PHRF1: variants seen among roughly 807,000 people sequenced by gnomAD.
PHRF1 encodes the protein PHD and RING finger domain-containing protein 1.
A neutral mutation model predicts 128.9 loss-of-function variants in PHRF1; 53 were observed. The ratio of observed to expected loss-of-function variants is 0.41; its 90% CI spans 0.33 to 0.52. The LOEUF (loss-of-function observed/expected upper bound fraction) is 0.52, where lower values mean the gene tolerates loss of function less well. PHRF1 is among the 20% of genes least tolerant of loss of function. PHRF1 has a pLI of 0.21. For missense variants in PHRF1, 2,503 were observed against 2,284.5 expected (o/e 1.10, Z -1.95); for synonymous variants, 1,178 against 980.6 (o/e 1.20, Z -3.76).
rs756045902 is a variant in PHRF1 at position 608,382 on chromosome 11, G to T, written c.2926G>T (p.Val976Leu). The T allele has an allele frequency of 6.2e-7, 1 of 1,611,582 alleles. No homozygotes were observed. The highest frequency in any genetic ancestry group is 1.7e-5 in the Admixed American group (1 of 59,880). Reference sequence around the variant, plus strand: ...GCCGGAAGCCCCACCCAGCCCGGACGTGCTGCAGGCTGCCACCCACAGAGT... The same window carrying T: ...GCCGGAAGCCCCACCCAGCCCGGACTTGCTGCAGGCTGCCACCCACAGAGT... ...VEPEAPPSPDVLQAATHRVVE... is the reference protein window; with the variant it reads ...VEPEAPPSPDLLQAATHRVVE... The change falls in exon 14 of 18, where the codon GTG (valine) becomes TTG (leucine). Residue 976 changes from valine (V) to leucine (L), a missense_variant. Coordinates refer to ENST00000264555, the MANE Select transcript of PHRF1 (RefSeq NM_001286581.2).
rs1035978247 is a variant in PHRF1, at chr11:597,143, G to A, written c.718+123G>A. On this transcript the variant is annotated intron_variant, in intron 7 of 17. Coordinates refer to ENST00000264555, the MANE Select transcript of PHRF1 (RefSeq NM_001286581.2). The surrounding 1 kb of genome is among the most constrained non-coding windows in gnomAD (Gnocchi z 6.5). ...TCTAGGGCTGTCTCATGGGGGTTAG[G>A]GTTGGCTGCGGTGTCGGGAGGACAT... 1.5e-5 allele frequency: 16 copies of A among 1,090,600 alleles called. No homozygotes were observed. Among genetic ancestry groups the A allele is most frequent in the African/African-American group, 4.7e-5 (3 of 63,766 alleles). 67.6% of individuals were successfully genotyped at this position (1,090,600 alleles called of 1,614,324 possible).
chr11:591,916 T>G (rs1040848503), intron 5 of PHRF1, among the ~76,000 whole-genome samples: 12 of 151,032 alleles, frequency 7.9e-5, no homozygotes, highest in African/African-American at 2.7e-4. Context: ...CCGGCTGTTT[T>G]TTTTTTTTTT....
At chr11:576,932 C>T (rs1398931174) in intron 1 of PHRF1, among the ~76,000 whole-genome samples, 2 of 151,374 alleles carry the variant, frequency 1.3e-5, no homozygotes, top group Admixed American at 1.3e-4. Context: ...AGGCCCGTGG[C>T]CTGCGGGCGG....
At chr11:582,728 G>C (rs901429548) in intron 3 of PHRF1, among the ~76,000 whole-genome samples, 1 of 151,450 alleles carries the variant, frequency 6.6e-6, no homozygotes, top group Non-Finnish European at 1.5e-5. Flanking sequence ...GTTTCACCGC[G>C]TTAGCCAGGA....
rs916023226 is a variant in PHRF1 at position 587,447 on chromosome 11, A to G, written c.403A>G (p.Ile135Val). 1.9e-5 allele frequency: 30 copies of G among 1,613,118 alleles called. No individual in the cohort carries two copies. The highest frequency in any genetic ancestry group is 2.2e-5 in the Non-Finnish European group (26 of 1,179,874). Residue 135 changes from isoleucine (I) to valine (V), a missense_variant, in exon 4 of 18, where the codon ATT (isoleucine) becomes GTT (valine). Coordinates refer to ENST00000264555, the MANE Select transcript of PHRF1 (RefSeq NM_001286581.2). ...TGCCCATTACTTCTGCCTGGACTGC[A>G]TTGTCGAATGGTCCAAGGTGAGTTC... is the stretch of plus-strand genomic sequence containing the variant. ...NCAHYFCLDC[I>V]VEWSKNANSC...
chr11:587,529 A>C, intron 4 of PHRF1, 65 bp downstream of exon 4: 1 of 1,530,734 alleles, frequency 6.5e-7, no homozygotes. Context: ...TAGGTGACCC[A>C]GCCTGTGTTC....
intron 4 of PHRF1, among the ~76,000 whole-genome samples, chr11:589,652 G>T (rs1181511803): frequency 6.6e-6 from 1 of 152,268 alleles, no homozygotes; most frequent in Non-Finnish European, 1.5e-5. Context: ...ACGGAGTCAA[G>T]ATCTCGGACT....
chr11:580,408 A>AGGGCCTT (rs776494898), intron 1 of PHRF1, among the ~76,000 whole-genome samples: 73 of 152,272 alleles, frequency 4.8e-4, no homozygotes, highest in Non-Finnish European at 8.4e-4. Flanking sequence ...CTGACGGGTC[A>AGGGCCTT]GGGCCTTGAG....
rs752498049 is a variant in PHRF1 at position 611,702 on chromosome 11, C to G, written c.4875C>G (p.Asp1625Glu). Residue 1625 changes from aspartate (D) to glutamate (E), a missense_variant, in exon 18 of 18, where the codon GAC (aspartate) becomes GAG (glutamate). Physicochemically the swap from Asp to Glu is conservative, Grantham distance 45. Transcript: ENST00000264555. ...CCAACCTGGTGAAGGCGTACGTGGA[C>G]AAGTACAGGCACATGCGCAGGCACA... Reference protein sequence around the residue: ...KVANLVKAYVDKYRHMRRHKK... With the variant: ...KVANLVKAYVEKYRHMRRHKK... 1.2e-6 allele frequency: 2 copies of G among 1,613,088 alleles called. No homozygotes were observed. The highest frequency in any genetic ancestry group is 4.5e-5 in the East Asian group (2 of 44,892).
intron 13 of PHRF1, 139 bp from the exon 14 acceptor site, chr11:606,927 G>A: frequency 7.4e-7 from 1 of 1,352,600 alleles, no homozygotes; most frequent in Non-Finnish European, 9.9e-7. Flanking sequence ...GTGTGGAAAG[G>A]CGAGGTGTCC....
At chr11:583,856 G>C (rs971466714) in intron 3 of PHRF1, among the ~76,000 whole-genome samples, 1 of 152,214 alleles carries the variant, frequency 6.6e-6, no homozygotes, top group East Asian at 1.9e-4. Flanking sequence ...GCCCTGCCCC[G>C]GCCCTGCTGT....
chr11:576,759 C>T (rs1169804255), intron 1 of PHRF1, among the ~76,000 whole-genome samples, 167 bp downstream of exon 1: 1 of 110,010 alleles, frequency 9.1e-6, no homozygotes, highest in African/African-American at 3.3e-5. Flanking sequence ...GGAGGCCCCG[C>T]CGAGACTGGG....
chr11:603,695 T>C (rs1474752561), intron 10 of PHRF1, among the ~76,000 whole-genome samples: 1 of 150,912 alleles, frequency 6.6e-6, no homozygotes, highest in Non-Finnish European at 1.5e-5. Context: ...TAAACTCATA[T>C]AATACATATT....
In PHRF1 at chr11:608,054, C is replaced by T. The variant is rs1856064667; in HGVS notation, c.2598C>T (p.Asn866=). ...AGATCACACGAACCATCTCCATCAA[C>T]AGCCCGAAGGCCCAGACGGTGCAGG... ...PSEITRTISI[N]SPKAQTVQAV... The change falls in exon 14 of 18, where the codon AAC becomes AAT. Residue 866 remains asparagine (N), a synonymous_variant. Coordinates refer to ENST00000264555, the MANE Select transcript of PHRF1 (RefSeq NM_001286581.2). 6.2e-7 allele frequency: 1 copy of T among 1,611,534 alleles called. No individual in the cohort carries two copies.
intron 13 of PHRF1, chr11:606,824 G>A: frequency 1.2e-6 from 1 of 861,026 alleles, no homozygotes; most frequent in South Asian, 1.9e-5. Context: ...TCCTGATGGG[G>A]TACTGCCCCC....
In PHRF1 at chr11:597,462, G is replaced by C. The variant is rs779928956; in HGVS notation, c.786G>C (p.Arg262Ser). Residue 262 changes from arginine (R) to serine (S), a missense_variant, in exon 8 of 18, where the codon AGG (arginine) becomes AGC (serine). Physicochemically the swap from Arg to Ser is moderately radical, Grantham distance 110. Coordinates refer to ENST00000264555, the MANE Select transcript of PHRF1 (RefSeq NM_001286581.2). The surrounding 1 kb of genome is among the most constrained non-coding windows in gnomAD (Gnocchi z 6.5). ...CTGATGTGGTGCCCACCACCAGCAG[G>C]CTTCGGCCTCGAGCAGGTAGGACCC... ...LLADVVPTTS[R>S]LRPRAGRTRA... 2.8e-5 allele frequency: 45 copies of C among 1,612,696 alleles called. No individual in the cohort carries two copies. The highest frequency in any genetic ancestry group is 8.8e-5 in the South Asian group (8 of 90,814).
intron 1 of PHRF1, among the ~76,000 whole-genome samples, chr11:578,674 T>G (rs902401217): frequency 1.3e-5 from 2 of 152,152 alleles, no homozygotes; most frequent in African/African-American, 4.8e-5. Flanking sequence ...GAAGTGATCT[T>G]TGCACCTCAG....
At chr11:600,031 A>G (rs928173799) in intron 9 of PHRF1, among the ~76,000 whole-genome samples, 9 of 151,954 alleles carry the variant, frequency 5.9e-5, no homozygotes. Context: ...TTTAATCTTT[A>G]TGTCACTACA....
At chr11:583,083 G>A (rs1854307463) in intron 3 of PHRF1, among the ~76,000 whole-genome samples, 1 of 151,440 alleles carries the variant, frequency 6.6e-6, no homozygotes, top group East Asian at 2.0e-4. Flanking sequence ...GCTCACGCCT[G>A]TAATCCCAGC....
Sources: allele counts gnomAD v4.1 joint callset (sites outside exome capture counted in the v4.1 genomes callset), GRCh38; gene constraint gnomAD v4.1.1; non-coding constraint Gnocchi (gnomAD v3.1); transcripts MANE v1.5; gene names NCBI Gene and HGNC (gene_info 2026-07-23, HGNC 2026-07-21).